Variants in NUDT8 observed in about 807,000 individuals in gnomAD.
NUDT8 encodes the protein mitochondrial coenzyme A diphosphatase NUDT8.
In NUDT8, 14 loss-of-function variants were observed where a neutral mutation model predicts 12.5. The observed-to-expected ratio is 1.12, with a 90% CI of 0.74 to 1.75. The LOEUF (loss-of-function observed/expected upper bound fraction) is 1.75. Ranked by LOEUF, NUDT8 falls within the 40% of genes most tolerant of loss-of-function variation. The pLI is 0.00. For synonymous variants in NUDT8, 163 were observed against 156.2 expected, an observed-to-expected ratio of 1.04 and a Z score of -0.33; for missense variants, 337 against 318.5, an observed-to-expected ratio of 1.06 and a Z score of -0.44.
rs751634671 is a variant in NUDT8, at chr11:67,628,889, G to C, written c.327+30C>G. The C allele has an allele frequency of 2.5e-6, 4 of 1,589,092 alleles. No individual in the cohort carries two copies. The Admixed American group carries it at 6.8e-5, about 27-fold the overall frequency. Reference sequence around the variant, plus strand: ...AGGGCAGGCACAGAGTGAGTGAATGGGGTGGGGTGGCCTCAGCCAAGTGGC... The same window carrying C: ...AGGGCAGGCACAGAGTGAGTGAATGCGGTGGGGTGGCCTCAGCCAAGTGGC... On this transcript the variant is annotated intron_variant, in intron 2 of 3. Coordinates refer to ENST00000376693, the MANE Select transcript of NUDT8 (RefSeq NM_001243750.2).
Position 67,628,340 on chromosome 11 carries a change from T to C in NUDT8, c.388A>G (p.Arg130Gly), listed in dbSNP as rs201276154. ...GVGPLDPQSL[R>G]PNSEEVDEVF... ...CAGCTCACCTCCTCCGAGTTGGGCC[T>C]GAGGCTCTGGGGATCCAGTGGGCCT... The change falls in exon 3 of 4, where the codon AGG (arginine) becomes GGG (glycine). Residue 130 changes from arginine (R) to glycine (G), a missense_variant. By Grantham distance (125) the Arg-to-Gly change is moderately radical. Transcript: ENST00000376693. The C allele has an allele frequency of 6.2e-7, 1 of 1,613,898 alleles. No individual in the cohort carries two copies. The highest frequency in any genetic ancestry group is 8.5e-7 in the Non-Finnish European group (1 of 1,179,962).
At chr11:67,628,802 T>C (rs1443606204) in intron 2 of NUDT8, 117 bp downstream of exon 2, 1 of 1,354,224 alleles carries the variant, frequency 7.4e-7, no homozygotes, top group East Asian at 2.3e-5. Flanking sequence ...AGGGGCACCC[T>C]TCCACACTTT....
chr11:67,628,974 C>G lies in NUDT8; in HGVS notation c.272G>C (p.Gly91Ala). The change falls in exon 2 of 4, where the codon GGC becomes GCC. Residue 91 changes from glycine to alanine, a missense_variant. Gly to Ala is a moderately conservative substitution (Grantham distance 60). Coordinates refer to ENST00000376693, the MANE Select transcript of NUDT8 (RefSeq NM_001243750.2). ...CACGTGCTCCTCGGGCACTGCCAGG[C>G]CCAGCTCCTCCCGGGTTTCCCGCAG... ...TALRETREELGLAVPEEHVWG... is the reference protein window; with the variant it reads ...TALRETREELALAVPEEHVWG... The G allele has an allele frequency of 6.2e-7, 1 of 1,612,940 alleles. No individual in the cohort carries two copies. Among genetic ancestry groups the G allele is most frequent in the Non-Finnish European group, 8.5e-7 (1 of 1,179,820 alleles).
chr11:67,629,165 T>C, intron 1 of NUDT8, 114 bp from the exon 2 acceptor site: 1 of 1,170,842 alleles, frequency 8.5e-7, no homozygotes, highest in Non-Finnish European at 1.2e-6. Context: ...CCTCTGCCCC[T>C]AGTTTACTGG....
chr11:67,628,907 C>G lies in NUDT8; in HGVS notation c.327+12G>C, dbSNP rs756540493. ...GTGAATGGGGTGGGGTGGCCTCAGC[C>G]AAGTGGCTTACCGGATCATACACAG... is the stretch of plus-strand genomic sequence containing the variant. On this transcript the variant is annotated intron_variant, in intron 2 of 3. Coordinates refer to ENST00000376693, the MANE Select transcript of NUDT8 (RefSeq NM_001243750.2). The G allele has an allele frequency of 6.3e-7, 1 of 1,598,454 alleles. No homozygotes were observed. The highest frequency in any genetic ancestry group is 1.7e-5 in the Admixed American group (1 of 59,158).
At chr11:67,628,422 C>G (rs551170185) in intron 2 of NUDT8, 22 bp from the exon 3 acceptor site, 1 of 1,608,578 alleles carries the variant, frequency 6.2e-7, no homozygotes, top group African/African-American at 1.3e-5. Flanking sequence ...GGCAGGTGGT[C>G]AGGGAAGCAT....
chr11:67,629,431 T>C (rs1855169735), intron 1 of NUDT8: 6 of 387,602 alleles, frequency 1.5e-5, no homozygotes, highest in Non-Finnish European at 2.3e-5. Flanking sequence ...GTCCGCCCTC[T>C]AAGCGGGAAA....
In NUDT8 at chr11:67,627,997, C is replaced by T; in HGVS notation, c.660G>A (p.Leu220=). The T allele has an allele frequency of 6.3e-7, 1 of 1,597,482 alleles. No individual in the cohort carries two copies. The highest frequency in any genetic ancestry group is 8.5e-7 in the Non-Finnish European group (1 of 1,179,240). ...TGGAGCTGGCCTGACAGGGTGAAGC[C>T]AGGGGCTGCTTAGGGCGGGCCAGAC... ...AEGLARPKQP[L]ASPCQASSTP... Residue 220 remains leucine (L), a synonymous_variant, in exon 4 of 4, where the codon CTG becomes CTA. Transcript: ENST00000376693.
Position 67,629,771 on chromosome 11 carries a change from C to A in NUDT8, c.141G>T (p.Leu47=). The A allele has an allele frequency of 6.5e-7, 1 of 1,539,474 alleles. No homozygotes were observed. The highest frequency in any genetic ancestry group is 1.2e-5 in the South Asian group (1 of 85,032). Residue 47 remains leucine, a synonymous_variant, in exon 1 of 4, where the codon CTG becomes CTT. Transcript: ENST00000376693. ...PLCSVRGVPA[L]LYTLRSSRLT... ...GGCGGCTGGACCGCAGCGTGTACAG[C>A]AGCGCCGGGACCCCACGCACTGAGC...
chr11:67,629,123 G>A (rs1855163747), intron 1 of NUDT8, 72 bp from the exon 2 acceptor site: 3 of 1,473,560 alleles, frequency 2.0e-6, no homozygotes, highest in Admixed American at 2.0e-5. Context: ...GGCAGTGCGG[G>A]GGGGGCCACT....
intron 3 of NUDT8, 35 bp from the exon 4 acceptor site, chr11:67,628,286 C>A (rs1261627683): frequency 6.2e-7 from 1 of 1,613,670 alleles, no homozygotes; most frequent in South Asian, 1.1e-5. Flanking sequence ...AGACAGAGGA[C>A]TGGAACAGCC....
At chr11:67,629,564 C>G in intron 1 of NUDT8, 154 bp downstream of exon 1, 1 of 420,580 alleles carries the variant, frequency 2.4e-6, no homozygotes, top group East Asian at 3.7e-5. Context: ...GCTGACCTCT[C>G]GCTGCAGCCC....
chr11:67,629,107 G>C lies in NUDT8; in HGVS notation c.195-56C>G, dbSNP rs1855163452. ...ACTCTTGGGGCCACGGAGAGGTCGG[G>C]GTATCGGCAGTGCGGGGGGGGCCAC... On this transcript the variant is annotated intron_variant, in intron 1 of 3. Coordinates refer to ENST00000376693, the MANE Select transcript of NUDT8 (RefSeq NM_001243750.2). The C allele has an allele frequency of 3.2e-6, 5 of 1,541,282 alleles. No individual in the cohort carries two copies. The South Asian group carries it at 6.0e-5, about 18-fold the overall frequency.
intron 1 of NUDT8, chr11:67,629,378 G>T (rs1264031013): frequency 2.5e-6 from 1 of 397,050 alleles, no homozygotes; most frequent in Non-Finnish European, 4.5e-6. Flanking sequence ...AATTCCCGCC[G>T]GGCGGGGCCC....
At chr11:67,628,436 C>T (rs772874750) in intron 2 of NUDT8, 36 bp from the exon 3 acceptor site, 3 of 1,586,788 alleles carry the variant, frequency 1.9e-6, no homozygotes, top group Admixed American at 1.7e-5. Context: ...GAAGCATGGC[C>T]TTCGCTGGGT....
At position 67,628,918 on chromosome 11, in the gene NUDT8, C is replaced by G; in HGVS notation, c.327+1G>C. 1 of 1,604,326 alleles carries G rather than the reference C, an allele frequency of 6.2e-7. No homozygotes were observed. The highest frequency in any genetic ancestry group is 8.5e-7 in the Non-Finnish European group (1 of 1,173,870). On this transcript the variant is annotated splice_donor_variant, in intron 2 of 3. Coordinates refer to ENST00000376693, the MANE Select transcript of NUDT8 (RefSeq NM_001243750.2). LOFTEE classifies it high-confidence loss of function. ...GGGGTGGCCTCAGCCAAGTGGCTTA[C>G]CGGATCATACACAGGCCGCAGCAGG...
chr11:67,629,141 C>T (rs901190864), intron 1 of NUDT8, 90 bp from the exon 2 acceptor site: 1 of 1,370,640 alleles, frequency 7.3e-7, no homozygotes, highest in Admixed American at 2.2e-5. Context: ...ACTGGCCCAC[C>T]GAAGTGTCGC....
rs774719913 is a variant in NUDT8, at chr11:67,629,802, G to T, written c.110C>A (p.Pro37Gln). 5 of 1,463,740 alleles carry T rather than the reference G, an allele frequency of 3.4e-6. No homozygotes were observed. The highest frequency in any genetic ancestry group is 1.5e-5 in the African/African-American group (1 of 68,774). 90.7% of individuals were successfully genotyped at this position (1,463,740 alleles called of 1,614,324 possible). The change falls in exon 1 of 4, where the codon CCG (proline) becomes CAG (glutamine). Residue 37 changes from proline (P) to glutamine (Q), a missense_variant. Transcript: ENST00000376693. ...CGGGACCCCACGCACTGAGCAGAGC[G>T]GCACGAGCACCGCGGCCGACGCGGG... ...ARPASAAVLV[P>Q]LCSVRGVPAL...
At position 67,628,961 on chromosome 11, in the gene NUDT8, G is replaced by C. The variant is rs775579284; in HGVS notation, c.285C>G (p.Pro95=). ...ETREELGLAV[P]EEHVWGLLRP... ...GCAGCAGGCCCCACACGTGCTCCTC[G>C]GGCACTGCCAGGCCCAGCTCCTCCC... Residue 95 remains proline (P), a synonymous_variant, in exon 2 of 4, where the codon CCC becomes CCG. Transcript: ENST00000376693. 1 of 1,612,678 alleles carries C rather than the reference G, an allele frequency of 6.2e-7. No homozygotes were observed. Among genetic ancestry groups the C allele is most frequent in the Non-Finnish European group, 8.5e-7 (1 of 1,179,692 alleles).
Sources: allele counts gnomAD v4.1 joint callset, GRCh38; gene constraint gnomAD v4.1.1; transcripts MANE v1.5; gene names NCBI Gene and HGNC (gene_info 2026-07-23, HGNC 2026-07-21).